The following DPP10 variants were observed in gnomAD, a reference collection of about 807,000 sequenced individuals.
DPP10 encodes inactive dipeptidyl peptidase 10.
Under a neutral mutation model 120.9 loss-of-function variants are expected in DPP10, and 33 were observed. The ratio of observed to expected loss-of-function variants is 0.27; its 90% CI spans 0.21 to 0.37. The LOEUF (loss-of-function observed/expected upper bound fraction) is 0.37. Among genes scored for constraint, DPP10 ranks in the 10% least tolerant of loss-of-function variants. The probability of loss-of-function intolerance (pLI) is 1.00; values close to 1 mark genes in which losing one functional copy is unlikely to be tolerated. For missense variants in DPP10, 816 were observed against 942.8 expected, an observed-to-expected ratio of 0.87 and a Z score of 1.76; for synonymous variants, 337 against 326.1, an observed-to-expected ratio of 1.03 and a Z score of -0.36.
At chr2:115,400,478 T>TAAAA (rs35721835) in intron 3 of DPP10, among the ~76,000 whole-genome samples, 3 of 147,062 alleles carry the variant, frequency 2.0e-5, no homozygotes, top group Non-Finnish European at 4.5e-5. Flanking sequence ...TACCCATAAG[T>TAAAA]AAAAAAAAAA....
intron 1 of DPP10, among the ~76,000 whole-genome samples, chr2:114,525,504 C>T (rs541984906): frequency 6.6e-6 from 1 of 152,280 alleles, no homozygotes; most frequent in African/African-American, 2.4e-5. Flanking sequence ...GTATTATGAT[C>T]ATGCAATTTC....
chr2:115,344,026 C>T, intron 3 of DPP10, 114 bp downstream of exon 3: 2 of 711,134 alleles, frequency 2.8e-6, no homozygotes, highest in East Asian at 3.6e-5. Context: ...ATCCCAGCAC[C>T]TTGGGAGGCC....
intron 8 of DPP10, among the ~76,000 whole-genome samples, chr2:115,732,656 C>G (rs1037908806): frequency 1.3e-5 from 2 of 151,926 alleles, no homozygotes; most frequent in South Asian, 2.1e-4. Flanking sequence ...TTACAGCTAC[C>G]CACTTCACAG....
intron 3 of DPP10, among the ~76,000 whole-genome samples, chr2:115,442,970 A>C (rs564210137): frequency 5.6e-4 from 86 of 152,308 alleles, no homozygotes; most frequent in African/African-American, 2.0e-3. Flanking sequence ...GAAGGTCTGT[A>C]ACAATGATTG....
At chr2:114,856,539 A>G (rs1379051420) in intron 1 of DPP10, among the ~76,000 whole-genome samples, 5 of 152,224 alleles carry the variant, frequency 3.3e-5, no homozygotes, top group African/African-American at 1.2e-4. Flanking sequence ...ATTTAAAATA[A>G]AATACTATAT....
At chr2:115,636,396 G>A (rs1042780481) in intron 5 of DPP10, among the ~76,000 whole-genome samples, 48 of 152,100 alleles carry the variant, frequency 3.2e-4, no homozygotes, top group African/African-American at 1.1e-3. Flanking sequence ...GAAATGTAAC[G>A]TAGGTTGCAT....
intron 2 of DPP10, among the ~76,000 whole-genome samples, chr2:115,317,529 G>A (rs2061852472): frequency 6.6e-6 from 1 of 152,040 alleles, no homozygotes; most frequent in African/African-American, 2.4e-5. Flanking sequence ...GTGTTTAAAT[G>A]TCTGAAGAAC....
chr2:115,291,102 C>T (rs778554569), intron 1 of DPP10, among the ~76,000 whole-genome samples: 2 of 152,094 alleles, frequency 1.3e-5, no homozygotes, highest in Non-Finnish European at 2.9e-5. Context: ...CTCCTAGACT[C>T]AAGAGCTTCT....
At chr2:115,073,046 G>T (rs565261488) in intron 1 of DPP10, among the ~76,000 whole-genome samples, 1 of 152,192 alleles carries the variant, frequency 6.6e-6, no homozygotes, top group Non-Finnish European at 1.5e-5. Context: ...GCCTCCCAAA[G>T]TGCTGGGATT....
At chr2:115,464,792 C>T (rs1368551919) in intron 3 of DPP10, among the ~76,000 whole-genome samples, 2 of 152,056 alleles carry the variant, frequency 1.3e-5, no homozygotes, top group African/African-American at 4.8e-5. Context: ...ATCCTTGCCA[C>T]ATGAGTAGGA....
intron 1 of DPP10, among the ~76,000 whole-genome samples, chr2:115,020,458 T>C (rs1702989722): frequency 6.6e-6 from 1 of 151,930 alleles, no homozygotes; most frequent in African/African-American, 2.4e-5. Flanking sequence ...AACAGGAAAA[T>C]ATCACAATTC....
chr2:114,468,387 G>GA (rs1679594523), intron 1 of DPP10, among the ~76,000 whole-genome samples: 5 of 101,150 alleles, frequency 4.9e-5, no homozygotes, highest in Non-Finnish European at 7.3e-5. Context: ...ACCTTGTCAG[G>GA]CTTACAATGC....
At chr2:115,232,015 C>T (rs2057758598) in intron 1 of DPP10, among the ~76,000 whole-genome samples, 1 of 151,870 alleles carries the variant, frequency 6.6e-6, no homozygotes. Flanking sequence ...CACATAAGCC[C>T]CTTCCTCTCC....
At chr2:114,948,933 T>TTA (rs796612477) in intron 1 of DPP10, among the ~76,000 whole-genome samples, 22 of 151,726 alleles carry the variant, frequency 1.4e-4, no homozygotes, top group African/African-American at 5.3e-4. Context: ...ACACTTTGTT[T>TTA]TTTTTTTTTG....
intron 19 of DPP10, among the ~76,000 whole-genome samples, chr2:115,798,854 GT>G (rs915595448): frequency 1.3e-5 from 2 of 151,914 alleles, no homozygotes; most frequent in East Asian, 1.9e-4. Flanking sequence ...TCTTATAGCC[GT>G]TTTTTCTCAT....
intron 1 of DPP10, among the ~76,000 whole-genome samples, chr2:114,909,565 T>C (rs1379996812): frequency 6.6e-6 from 1 of 152,028 alleles, no homozygotes; most frequent in Non-Finnish European, 1.5e-5. Context: ...TCAGTAGGAA[T>C]GTGTGGAGAT....
intron 1 of DPP10, among the ~76,000 whole-genome samples, chr2:114,745,677 G>C (rs976550272): frequency 6.6e-6 from 1 of 152,152 alleles, no homozygotes; most frequent in Non-Finnish European, 1.5e-5. Context: ...CCTGCTTTCC[G>C]TCTGTTTATA....
chr2:114,858,070 A>G (rs1574355357), intron 1 of DPP10, among the ~76,000 whole-genome samples: 1 of 152,098 alleles, frequency 6.6e-6, no homozygotes, highest in South Asian at 2.1e-4. Context: ...GCTCACTGTA[A>G]CCTCCACCTC....
At chr2:115,798,733 A>C (rs939498866) in intron 19 of DPP10, among the ~76,000 whole-genome samples, 1 of 152,138 alleles carries the variant, frequency 6.6e-6, no homozygotes, top group African/African-American at 2.4e-5. Context: ...CAACCCAAAT[A>C]ATACAATTGT....
Sources: gnomAD v4.1 joint callset for allele counts (sites outside exome capture counted in the v4.1 genomes callset) on GRCh38, gnomAD v4.1.1 for gene constraint, MANE v1.5 for transcripts, NCBI Gene and HGNC (gene_info 2026-07-23, HGNC 2026-07-21) for gene names.